The following MGAT4C variants were observed in gnomAD, a reference collection of about 807,000 sequenced individuals.
MGAT4C encodes the protein alpha-1,3-mannosyl-glycoprotein 4-beta-N-acetylglucosaminyltransferase C.
MGAT4C carries 19 observed loss-of-function variants against 40.1 expected under a neutral mutation model. That is an observed-to-expected ratio of 0.47 (90% CI 0.33 to 0.70). The LOEUF is 0.70. MGAT4C is among the 30% of genes least tolerant of loss of function. The pLI is 0.02. For missense variants in MGAT4C, 491 were observed against 563.2 expected, an observed-to-expected ratio of 0.87 and a Z score of 1.30; for synonymous variants, 181 against 187.1, an observed-to-expected ratio of 0.97 and a Z score of 0.27.
intron 1 of MGAT4C, among the ~76,000 whole-genome samples, chr12:86,732,732 C>G (rs1950930300): frequency 6.6e-6 from 1 of 151,702 alleles, no homozygotes; most frequent in South Asian, 2.1e-4. Flanking sequence ...TGGCCTGGTT[C>G]CTAACAGGCC....
intron 2 of MGAT4C, among the ~76,000 whole-genome samples, chr12:86,515,166 C>T (rs1180284746): frequency 6.6e-6 from 1 of 152,164 alleles, no homozygotes; most frequent in Non-Finnish European, 1.5e-5. Flanking sequence ...TGTCTACAAA[C>T]ATCTGGCAGC....
intron 2 of MGAT4C, among the ~76,000 whole-genome samples, chr12:86,501,952 C>G (rs1958351949): frequency 6.6e-6 from 1 of 151,962 alleles, no homozygotes; most frequent in Admixed American, 6.6e-5. Flanking sequence ...TACATTCCCA[C>G]CAACAGTGTA....
In MGAT4C at chr12:86,767,103, A is replaced by T. The variant is rs11503300; in HGVS notation, c.-261-39862T>A. Among the ~76,000 whole-genome samples, 900 of 152,290 alleles carry T rather than the reference A, an allele frequency of 5.9e-3. 13 individuals carry two copies. Among genetic ancestry groups the T allele is most frequent in the African/African-American group, 0.021 (861 of 41,564 alleles). ...AAGCTGGTTTTTTGAAAAGATCAAC[A>T]AAATTGATGGACTGCTAGCAAGATT... is the stretch of plus-strand genomic sequence containing the variant. On this transcript the variant is annotated intron_variant, in intron 1 of 7. Coordinates refer to the MGAT4C transcript ENST00000548651.
chr12:86,468,716 G>T (rs1957716832), intron 2 of MGAT4C, among the ~76,000 whole-genome samples: 1 of 151,924 alleles, frequency 6.6e-6, no homozygotes, highest in African/African-American at 2.4e-5. Flanking sequence ...TGAGATTCTG[G>T]CTGTTTCAGA....
At chr12:86,569,483 C>G (rs1960275502) in intron 2 of MGAT4C, among the ~76,000 whole-genome samples, 1 of 152,070 alleles carries the variant, frequency 6.6e-6, no homozygotes, top group South Asian at 2.1e-4. Context: ...GATATCATCT[C>G]TCCCCAGTTA....
intron 2 of MGAT4C, among the ~76,000 whole-genome samples, chr12:86,591,795 G>T (rs1961342286): frequency 6.6e-6 from 1 of 151,580 alleles, no homozygotes; most frequent in Admixed American, 6.6e-5. Context: ...TTATTCAAAT[G>T]AAATTCAAAG....
intron 3 of MGAT4C, among the ~76,000 whole-genome samples, chr12:86,370,047 TAC>T (rs1279522801): frequency 6.6e-6 from 1 of 152,004 alleles, no homozygotes; most frequent in Admixed American, 6.6e-5. Flanking sequence ...AAGAGGCATA[TAC>T]CATATATAAA....
At chr12:86,465,750 G>C (rs912745563) in intron 2 of MGAT4C, among the ~76,000 whole-genome samples, 1 of 152,164 alleles carries the variant, frequency 6.6e-6, no homozygotes, top group African/African-American at 2.4e-5. Context: ...CAAGGATGTG[G>C]AGCAATGGGA....
At position 85,976,034 on chromosome 12, in the gene MGAT4C, T is replaced by C. The variant is rs1195380677; in HGVS notation, c.*3255A>G. ...CATGAAATATGCCAATATTTGAGCA[T>C]CTAAAAATGTAGGTACTTTCCATAC... On this transcript the variant is annotated 3_prime_UTR_variant, in exon 5 of 5. Coordinates refer to ENST00000611864, the MANE Select transcript of MGAT4C (RefSeq NM_001351288.2). The C allele has an allele frequency of 1.3e-5, 2 of 151,094 alleles. No homozygotes were observed. Among genetic ancestry groups the C allele is most frequent in the East Asian group, 1.9e-4 (1 of 5,190 alleles). The allele number at this position is 151,094 out of a possible 1,614,324, so 9.4% of individuals were successfully genotyped here. A position where few individuals can be genotyped will look rare whatever the true frequency, so the allele number is the denominator to read the frequency against.
intron 3 of MGAT4C, among the ~76,000 whole-genome samples, chr12:86,400,711 A>T (rs1406385163): frequency 6.6e-6 from 1 of 152,226 alleles, no homozygotes; most frequent in African/African-American, 2.4e-5. Context: ...TTCAATTAAT[A>T]TGAAGATGTT....
At chr12:86,819,467 A>C (rs540097950) in intron 1 of MGAT4C, among the ~76,000 whole-genome samples, 8 of 150,976 alleles carry the variant, frequency 5.3e-5, no homozygotes, top group Non-Finnish European at 1.0e-4. Flanking sequence ...AACTTGTAAT[A>C]ATAGATTTTT....
intron 2 of MGAT4C, among the ~76,000 whole-genome samples, chr12:86,023,467 A>G (rs1377885655): frequency 6.6e-6 from 1 of 151,430 alleles, no homozygotes; most frequent in Non-Finnish European, 1.5e-5. Flanking sequence ...AGGTATCCTC[A>G]TGTTTTTAAA....
At chr12:85,987,347 C>T (rs1189453646) in intron 3 of MGAT4C, among the ~76,000 whole-genome samples, 3 of 151,310 alleles carry the variant, frequency 2.0e-5, no homozygotes, top group Non-Finnish European at 4.4e-5. Flanking sequence ...CCGTTTTAGC[C>T]GGGATGGTCT....
intron 2 of MGAT4C, among the ~76,000 whole-genome samples, chr12:86,610,581 CTTTTT>C (rs2136473909): frequency 6.8e-6 from 1 of 147,494 alleles, no homozygotes; most frequent in Non-Finnish European, 1.5e-5. Flanking sequence ...CATTTTCTTT[CTTTTT>C]GTTTATTATT....
chr12:86,231,836 C>T (rs921937443), intron 1 of MGAT4C, among the ~76,000 whole-genome samples: 5 of 152,042 alleles, frequency 3.3e-5, no homozygotes, highest in Non-Finnish European at 7.4e-5. Context: ...TGTCATTAGA[C>T]ATTATAAAAT....
Position 85,998,450 on chromosome 12 carries a change from G to A in MGAT4C, c.-6-8898C>T, listed in dbSNP as rs139615009. Among the ~76,000 whole-genome samples the A allele has an allele frequency of 4.2e-3, 640 of 152,096 alleles. 3 individuals are homozygous for A. The highest frequency in any genetic ancestry group is 0.015 in the African/African-American group (615 of 41,486). On this transcript the variant is annotated intron_variant, in intron 2 of 4. Transcript: ENST00000611864. ...AGAAAATGGGATTTTCTTTTCTATC[G>A]CATTGTCAAGCTGCAAATTTTCTGA...
intron 2 of MGAT4C, among the ~76,000 whole-genome samples, chr12:86,691,445 G>A (rs1156639492): frequency 6.6e-6 from 1 of 152,120 alleles, no homozygotes; most frequent in African/African-American, 2.4e-5. Context: ...AATTGTTGAC[G>A]AGATAGAGAG....
At chr12:86,152,734 T>C (rs778053385) in intron 1 of MGAT4C, among the ~76,000 whole-genome samples, 10 of 152,230 alleles carry the variant, frequency 6.6e-5, no homozygotes, top group Non-Finnish European at 1.3e-4. Context: ...CAGGTACTGT[T>C]CTATTAGGAA....
chr12:86,140,321 T>TAA (rs770706155), intron 1 of MGAT4C, among the ~76,000 whole-genome samples: 101 of 152,300 alleles, frequency 6.6e-4, no homozygotes, highest in Non-Finnish European at 1.4e-3. Context: ...AATTGTGGTT[T>TAA]AAAATGTGCC....
Sources: gnomAD v4.1 joint callset for allele counts (sites outside exome capture counted in the v4.1 genomes callset) on GRCh38, gnomAD v4.1.1 for gene constraint, MANE v1.5 for transcripts, NCBI Gene and HGNC (gene_info 2026-07-23, HGNC 2026-07-21) for gene names.